Variants in SPAST observed in about 807,000 individuals in gnomAD.
SPAST encodes the protein spastic paraplegia 4 (autosomal dominant; spastin).
Under a neutral mutation model 76.6 loss-of-function variants are expected in SPAST, and 30 were observed. The observed-to-expected ratio is 0.39, with a 90% CI of 0.29 to 0.53. SPAST has a LOEUF of 0.53. SPAST is among the 20% of genes least tolerant of loss of function. The probability of loss-of-function intolerance (pLI) is 0.68; values close to 1 mark genes in which losing one functional copy is unlikely to be tolerated. For missense variants in SPAST, 717 were observed against 770.5 expected (o/e 0.93, Z 0.82); for synonymous variants, 305 against 281.0 (o/e 1.09, Z -0.86).
chr2:32,115,726 A>C lies in SPAST; in HGVS notation c.895A>C (p.Asn299His). ...GGGTACTCCGAAAACAAATAGGACAAATAAACCTTCTACCCCTACAACTGC... is the reference window on the plus strand; with the variant it reads ...GGGTACTCCGAAAACAAATAGGACACATAAACCTTCTACCCCTACAACTGC... ...HKGTPKTNRT[N>H]KPSTPTTATR... Residue 299 changes from asparagine (N) to histidine (H), a missense_variant, in exon 6 of 17, where the codon AAT (asparagine) becomes CAT (histidine). Asn to His is a moderately conservative substitution (Grantham distance 68, BLOSUM62 1). Coordinates refer to ENST00000315285, the MANE Select transcript of SPAST (RefSeq NM_014946.4). The C allele has an allele frequency of 6.2e-7, 1 of 1,611,074 alleles. No individual in the cohort carries two copies. Among genetic ancestry groups the C allele is most frequent in the Non-Finnish European group, 8.5e-7 (1 of 1,177,726 alleles).
At chr2:32,151,346 T>C (rs1573181719) in intron 16 of SPAST, among the ~76,000 whole-genome samples, 1 of 152,200 alleles carries the variant, frequency 6.6e-6, no homozygotes, top group East Asian at 1.9e-4. Flanking sequence ...TGAGTTAATA[T>C]TTATAAAGCA....
intron 3 of SPAST, 114 bp from the exon 4 acceptor site, chr2:32,098,682 T>G: frequency 1.5e-6 from 1 of 680,746 alleles, no homozygotes; most frequent in Non-Finnish European, 2.6e-6. Flanking sequence ...TTTTATCATG[T>G]AACAATCTGG....
intron 4 of SPAST, among the ~76,000 whole-genome samples, chr2:32,105,011 TG>T (rs1678264760): frequency 6.6e-6 from 1 of 152,212 alleles, no homozygotes; most frequent in South Asian, 2.1e-4. Flanking sequence ...CTTGCTAGGT[TG>T]GGGAACTTCT....
chr2:32,080,988 C>A (rs1156853895), intron 1 of SPAST, among the ~76,000 whole-genome samples: 1 of 149,378 alleles, frequency 6.7e-6, no homozygotes, highest in Admixed American at 6.7e-5. Flanking sequence ...GACAGAGTTT[C>A]GCTCTTGTCA....
chr2:32,085,994 A>G (rs1435308343), intron 1 of SPAST, among the ~76,000 whole-genome samples: 2 of 151,932 alleles, frequency 1.3e-5, no homozygotes, highest in African/African-American at 4.8e-5. Flanking sequence ...GTGAACCAAG[A>G]TCGTGCCACT....
At chr2:32,153,606 G>A (rs181916288) in intron 16 of SPAST, among the ~76,000 whole-genome samples, 13 of 151,792 alleles carry the variant, frequency 8.6e-5, no homozygotes, top group Admixed American at 5.2e-4. Context: ...GTGAGCCACC[G>A]TGCTTGGCCA....
rs774891032 is a variant in SPAST, at chr2:32,114,763, A to C, written c.808A>C (p.Ser270Arg). 6.2e-7 allele frequency: 1 copy of C among 1,614,120 alleles called. No individual in the cohort carries two copies. Among genetic ancestry groups the C allele is most frequent in the Admixed American group, 1.7e-5 (1 of 60,026 alleles). The change falls in exon 5 of 17, where the codon AGT (serine) becomes CGT (arginine). Residue 270 changes from serine to arginine, a missense_variant. Ser to Arg is a moderately radical substitution (Grantham distance 110, BLOSUM62 -1). Coordinates refer to ENST00000315285, the MANE Select transcript of SPAST (RefSeq NM_014946.4). ...LSGHHRAPSYSGLSMVSGVKQ... is the reference protein window; with the variant it reads ...LSGHHRAPSYRGLSMVSGVKQ... The stretch of plus-strand genomic sequence containing the variant: ...AGGCCACCATAGAGCACCTAGTTAC[A>C]GTGGTTTATCCATGGTTTCTGGAGT...
chr2:32,096,161 G>A (rs911037351), intron 3 of SPAST, among the ~76,000 whole-genome samples: 8 of 152,176 alleles, frequency 5.3e-5, no homozygotes, highest in African/African-American at 1.9e-4. Context: ...GGGTCTGGGC[G>A]CGGTGGCTCA....
intron 9 of SPAST, among the ~76,000 whole-genome samples, chr2:32,132,844 T>TA (rs1443903581): frequency 6.6e-6 from 1 of 152,058 alleles, no homozygotes; most frequent in Admixed American, 6.6e-5. Context: ...CTCTACTAAA[T>TA]ACAAATCTCT....
At position 32,090,010 on chromosome 2, in the gene SPAST, C is replaced by T. The variant is rs182814603; in HGVS notation, c.586+405C>T. On this transcript the variant is annotated intron_variant, in intron 3 of 16. Transcript: ENST00000315285. ...CCATCTCCTGACCTCGTGATCCACC[C>T]GCCTCGGCCTCCCGAAGTGCTGGAG... Among the ~76,000 whole-genome samples the T allele has an allele frequency of 4.3e-3, 661 of 152,310 alleles. 7 individuals carry two copies. The highest frequency in any genetic ancestry group is 0.015 in the African/African-American group (618 of 41,566).
intron 3 of SPAST, among the ~76,000 whole-genome samples, chr2:32,091,033 G>T (rs972465763): frequency 2.0e-5 from 3 of 151,698 alleles, no homozygotes; most frequent in Admixed American, 6.6e-5. Flanking sequence ...CTGTTTGATG[G>T]CGTAGGTTTT....
At chr2:32,079,461 A>C (rs1260826683) in intron 1 of SPAST, among the ~76,000 whole-genome samples, 1 of 151,766 alleles carries the variant, frequency 6.6e-6, no homozygotes, top group Admixed American at 6.6e-5. Context: ...CAGTGAGATC[A>C]TACCACTGCT....
intron 16 of SPAST, among the ~76,000 whole-genome samples, chr2:32,153,665 T>C (rs1400812132): frequency 3.3e-5 from 5 of 152,158 alleles, no homozygotes; most frequent in Non-Finnish European, 7.4e-5. Context: ...ACCTATCCAT[T>C]TTGCCTTTTA....
At chr2:32,131,494 A>G (rs757683041) in intron 9 of SPAST, among the ~76,000 whole-genome samples, 11 of 152,092 alleles carry the variant, frequency 7.2e-5, no homozygotes, top group Non-Finnish European at 1.5e-5. Context: ...TATTGAATAA[A>G]TATTTGTGGA....
In SPAST at chr2:32,105,209, C is replaced by T. The variant is rs111935026; in HGVS notation, c.682+6318C>T. 9.7e-3 allele frequency among the ~76,000 whole-genome samples: 1,479 copies of T among 152,224 alleles called. 33 individuals carry two copies. Among genetic ancestry groups the T allele is most frequent in the African/African-American group, 0.033 (1,377 of 41,534 alleles). On this transcript the variant is annotated intron_variant, in intron 4 of 16. Coordinates refer to ENST00000315285, the MANE Select transcript of SPAST (RefSeq NM_014946.4). The stretch of plus-strand genomic sequence containing the variant: ...GGCTTCATTTCATTCATTTGATCTT[C>T]AATCACTGATACCCTTTCTTCCACT...
At chr2:32,067,978 TTTC>T (rs1256881863) in intron 1 of SPAST, among the ~76,000 whole-genome samples, 15 of 151,440 alleles carry the variant, frequency 9.9e-5, no homozygotes, top group Non-Finnish European at 1.8e-4. Flanking sequence ...TCTTTTCTCT[TTTC>T]TTTTTTTTTT....
chr2:32,065,078 G>A (rs2280969), intron 1 of SPAST, among the ~76,000 whole-genome samples: 59,100 of 151,136 alleles, frequency 0.39, 11,868 homozygotes, highest in East Asian at 0.64. Context: ...GGAGTGCAAT[G>A]GTGCAGTCTC....
rs551144252 is a variant in SPAST at position 32,103,072 on chromosome 2, T to G, written c.682+4181T>G. On this transcript the variant is annotated intron_variant, in intron 4 of 16. Transcript: ENST00000315285. ...GCTCCTCTTTGTACCTCTGGTAGAA[T>G]TCAGCTGTGAATCCATCTGGTCCTG... Among the ~76,000 whole-genome samples, 228 of 152,324 alleles carry G rather than the reference T, an allele frequency of 1.5e-3. 1 individual carries two copies. Among genetic ancestry groups the G allele is most frequent in the African/African-American group, 5.2e-3 (216 of 41,582 alleles).
chr2:32,065,210 G>A (rs1050598518), intron 1 of SPAST, among the ~76,000 whole-genome samples: 24 of 151,856 alleles, frequency 1.6e-4, no homozygotes, highest in African/African-American at 5.8e-4. Flanking sequence ...AGTAGAGTAG[G>A]GATTTCACCA....
Sources: gnomAD v4.1 joint callset for allele counts (sites outside exome capture counted in the v4.1 genomes callset) on GRCh38, gnomAD v4.1.1 for gene constraint, MANE v1.5 for transcripts, NCBI Gene and HGNC (gene_info 2026-07-23, HGNC 2026-07-21) for gene names.